The following LRP1 variants were observed in gnomAD, a reference collection of about 807,000 sequenced individuals.
LRP1 encodes prolow-density lipoprotein receptor-related protein 1.
A neutral mutation model predicts 541.5 loss-of-function variants in LRP1; 51 were observed. That is an observed-to-expected ratio of 0.09 (90% CI 0.08 to 0.12). The LOEUF (loss-of-function observed/expected upper bound fraction) is 0.12, where lower values mean the gene tolerates loss of function less well. Among genes scored for constraint, LRP1 ranks in the 10% least tolerant of loss-of-function variants. The pLI is 1.00. For synonymous variants in LRP1, 2,219 were observed against 2,470.8 expected (o/e 0.90, Z 3.02); for missense variants, 3,878 against 6,376.2 (o/e 0.61, Z 13.34).
intron 41 of LRP1, 24 bp from the exon 42 acceptor site, chr12:57,187,243 A>G: frequency 1.3e-6 from 2 of 1,599,776 alleles, no homozygotes; most frequent in South Asian, 1.1e-5. Flanking sequence ...CTCCTGACAA[A>G]TCGCTGCTCC....
chr12:57,141,929 T>C (rs2035300736), intron 3 of LRP1, among the ~76,000 whole-genome samples: 1 of 152,220 alleles, frequency 6.6e-6, no homozygotes, highest in African/African-American at 2.4e-5. Context: ...CCATCTAGTT[T>C]AGTCCACCTG....
intron 48 of LRP1, 114 bp from the exon 49 acceptor site, chr12:57,194,240 A>G: frequency 8.1e-7 from 1 of 1,233,776 alleles, no homozygotes; most frequent in Non-Finnish European, 1.1e-6. Context: ...GCCCCACCAG[A>G]AGGGCACCGT....
chr12:57,166,831 T>G lies in LRP1; in HGVS notation c.2798-99T>G. The stretch of plus-strand genomic sequence containing the variant: ...TCTAAGAGAAATGGTTTTGGATCCT[T>G]GGAAATAAGGGACACCAAAGGCAGA... On this transcript the variant is annotated intron_variant, in intron 17 of 88. Transcript: ENST00000243077. 1.1e-5 allele frequency: 8 copies of G among 725,198 alleles called. No homozygotes were observed. In the South Asian group the frequency reaches 1.3e-4, roughly 12 times the overall value. 44.9% of individuals were successfully genotyped at this position (725,198 alleles called of 1,614,324 possible).
At chr12:57,160,864 A>G (rs1287930195) in intron 12 of LRP1, 29 bp from the exon 13 acceptor site, 1 of 1,581,448 alleles carries the variant, frequency 6.3e-7, no homozygotes, top group Non-Finnish European at 8.7e-7. Context: ...GGGGGTGCCC[A>G]GGTGATGCTG....
At chr12:57,172,586 T>C (rs945393026) in intron 20 of LRP1, among the ~76,000 whole-genome samples, 1 of 152,212 alleles carries the variant, frequency 6.6e-6, no homozygotes, top group Admixed American at 6.5e-5. Context: ...TCGCTCTTCA[T>C]GCAGGCCTCT....
chr12:57,162,571 T>C lies in LRP1; in HGVS notation c.2404+53T>C. The C allele has an allele frequency of 5.0e-6, 8 of 1,597,494 alleles. No homozygotes were observed. The South Asian group carries it at 8.8e-5, about 18-fold the overall frequency. ...GGGACCTGGAAGGGGTGGTGGGACT[T>C]AGGCATTGATTTGAGACTTCCCTGG... On this transcript the variant is annotated intron_variant, in intron 14 of 88. Transcript: ENST00000243077. The surrounding 1 kb of genome is among the most constrained non-coding windows in gnomAD (Gnocchi z 5.2).
rs200877384 is a variant in LRP1 at position 57,187,300 on chromosome 12, G to A, written c.6875G>A (p.Arg2292His). The change falls in exon 42 of 89, where the codon CGT becomes CAT. Residue 2292 changes from arginine (R) to histidine (H), a missense_variant. Arg to His is a conservative substitution (Grantham distance 29). This residue lies in a region of LRP1 where 1,100 missense variants were observed against 1,827.4 expected (regional missense o/e 0.60). Transcript: ENST00000243077. ...TCCGTGGAAGGCCTGGCCTATCACCGTGGCTGGGACACTCTCTATTGGACA... is the reference window on the plus strand; with the variant it reads ...TCCGTGGAAGGCCTGGCCTATCACCATGGCTGGGACACTCTCTATTGGACA... Reference protein sequence around the residue: ...VGSVEGLAYHRGWDTLYWTSY... With the variant: ...VGSVEGLAYHHGWDTLYWTSY... 31 of 1,614,034 alleles carry A rather than the reference G, an allele frequency of 1.9e-5. No individual in the cohort carries two copies. Among genetic ancestry groups the A allele is most frequent in the Admixed American group, 5.0e-5 (3 of 60,006 alleles).
chr12:57,205,342 C>G lies in LRP1; in HGVS notation c.11336-9C>G, dbSNP rs1565754378. 1 of 1,598,240 alleles carries G rather than the reference C, an allele frequency of 6.3e-7. No individual in the cohort carries two copies. Among genetic ancestry groups the G allele is most frequent in the East Asian group, 2.2e-5 (1 of 44,678 alleles). Reference sequence around the variant, plus strand: ...TCAAGGGAGGGCATCCACTCTCTGTCCCCCACAGACCCCAAGCTGACCAGC... The same window carrying G: ...TCAAGGGAGGGCATCCACTCTCTGTGCCCCACAGACCCCAAGCTGACCAGC... On this transcript the variant is annotated splice_polypyrimidine_tract_variant and intron_variant, in intron 73 of 88. Coordinates refer to ENST00000243077, the MANE Select transcript of LRP1 (RefSeq NM_002332.3). The surrounding 1 kb of genome is among the most constrained non-coding windows in gnomAD (Gnocchi z 4.6).
At chr12:57,207,700 A>G (rs928951755) in intron 76 of LRP1, among the ~76,000 whole-genome samples, 1 of 152,242 alleles carries the variant, frequency 6.6e-6, no homozygotes, top group Admixed American at 6.5e-5. Context: ...GGCACAGGGC[A>G]TGATGGGCAG....
chr12:57,180,598 C>A (rs1367564791), intron 32 of LRP1, 69 bp from the exon 33 acceptor site: 1 of 1,608,972 alleles, frequency 6.2e-7, no homozygotes, highest in Middle Eastern at 1.7e-4. Context: ...TGACTTAGGG[C>A]CAATGGGCCC....
At position 57,145,446 on chromosome 12, in the gene LRP1, G is replaced by A; in HGVS notation, c.797G>A (p.Gly266Asp). 6.2e-7 allele frequency: 1 copy of A among 1,614,094 alleles called. No homozygotes were observed. The highest frequency in any genetic ancestry group is 8.5e-7 in the Non-Finnish European group (1 of 1,180,032). Residue 266 changes from glycine (G) to aspartate (D), a missense_variant, in exon 6 of 89, where the codon GGC (glycine) becomes GAC (aspartate). Physicochemically the swap from Gly to Asp is moderately conservative, Grantham distance 94. Transcript: ENST00000243077. Reference protein sequence around the residue: ...LKCARMPGLKGFVDEHTINIS... With the variant: ...LKCARMPGLKDFVDEHTINIS... ...TGTGCCCGCATGCCTGGCCTAAAGG[G>A]CTTCGTGGATGAGCACACCATCAAC...
chr12:57,191,230 G>T, intron 43 of LRP1, 90 bp from the exon 44 acceptor site: 1 of 1,324,174 alleles, frequency 7.6e-7, no homozygotes, highest in Non-Finnish European at 1.0e-6. Flanking sequence ...TCATTCTGTA[G>T]CTGTCAGAGG....
At chr12:57,157,645 G>C (rs2035647070) in intron 10 of LRP1, among the ~76,000 whole-genome samples, 1 of 152,194 alleles carries the variant, frequency 6.6e-6, no homozygotes, top group Admixed American at 6.5e-5. Context: ...ATAAAGCAGA[G>C]AATAGAGTTA....
Position 57,206,724 on chromosome 12 carries a change from G to A in LRP1, c.11842G>A (p.Gly3948Ser). ...SNRHRRQIDR[G>S]VTHLNISGLK... ...CCGCCACCGGCGACAGATTGACCGG[G>A]GTGTCACCCACCTCAACGTGAGTGC... The change falls in exon 76 of 89, where the codon GGT (glycine) becomes AGT (serine). Residue 3948 changes from glycine to serine, a missense_variant. Transcript: ENST00000243077. This position sits in a 1 kb window ranked among gnomAD's most constrained non-coding sequence, Gnocchi z 4.7. 6.2e-7 allele frequency: 1 copy of A among 1,612,454 alleles called. No homozygotes were observed. The highest frequency in any genetic ancestry group is 8.5e-7 in the Non-Finnish European group (1 of 1,179,982).
In LRP1 at chr12:57,185,388, C is replaced by A; in HGVS notation, c.6464-143C>A. On this transcript the variant is annotated intron_variant, in intron 40 of 88. Coordinates refer to ENST00000243077, the MANE Select transcript of LRP1 (RefSeq NM_002332.3). The surrounding 1 kb of genome is among the most constrained non-coding windows in gnomAD (Gnocchi z 4.9). Reference sequence around the variant, plus strand: ...TGAGGTGCTCTGGGACAGATCTTGGCATTGGACTCTGGGCCCTGGAGGGTC... The same window carrying A: ...TGAGGTGCTCTGGGACAGATCTTGGAATTGGACTCTGGGCCCTGGAGGGTC... 1 of 1,317,384 alleles carries A rather than the reference C, an allele frequency of 7.6e-7. No homozygotes were observed. The highest frequency in any genetic ancestry group is 1.0e-6 in the Non-Finnish European group (1 of 976,586). 81.6% of individuals were successfully genotyped at this position (1,317,384 alleles called of 1,614,324 possible).
At chr12:57,151,497 G>T (rs2035524708) in intron 6 of LRP1, among the ~76,000 whole-genome samples, 1 of 152,204 alleles carries the variant, frequency 6.6e-6, no homozygotes, top group African/African-American at 2.4e-5. Context: ...AGGATTTTCG[G>T]CCTTTGGCCA....
Position 57,202,542 on chromosome 12 carries a change from G to GGGGGGGCCCCCCCCCCCCCCC in LRP1, c.10711+5_10711+6insGGGGGGCCCCCCCCCCCCCCC. On this transcript the variant is annotated splice_donor_region_variant and intron_variant, in intron 68 of 88. Coordinates refer to ENST00000243077, the MANE Select transcript of LRP1 (RefSeq NM_002332.3). ...ACTCCGATGAAGAGAGCTGCAGTAC[G>GGGGGGGCCCCCCCCCCCCCCC]TCCCCACCCACCCAGCCCCGCATGA... The GGGGGGGCCCCCCCCCCCCCCC allele has an allele frequency of 6.4e-7, 1 of 1,563,848 alleles. No individual in the cohort carries two copies. The highest frequency in any genetic ancestry group is 8.7e-7 in the Non-Finnish European group (1 of 1,153,430).
rs2136643193 is a variant in LRP1, at chr12:57,128,804, T to A, written c.-161T>A. The A allele has an allele frequency of 5.0e-6, 3 of 600,002 alleles. No individual in the cohort carries two copies. Among genetic ancestry groups the A allele is most frequent in the Non-Finnish European group, 5.8e-6 (2 of 345,934 alleles). 37.2% of individuals were successfully genotyped at this position (600,002 alleles called of 1,614,324 possible). On this transcript the variant is annotated 5_prime_UTR_variant, in exon 1 of 89. Transcript: ENST00000243077. ...TCCCCAAGGGGCTCGGAACTCTACC[T>A]CTTCACCCACGCCCCTGGTGCGCTT...
At chr12:57,170,414 C>T (rs1468823007) in intron 20 of LRP1, among the ~76,000 whole-genome samples, 3 of 152,038 alleles carry the variant, frequency 2.0e-5, no homozygotes, top group South Asian at 2.1e-4. Flanking sequence ...CATGGTGGCT[C>T]ATGCCTATAA....
Sources: gnomAD v4.1 joint callset for allele counts (sites outside exome capture counted in the v4.1 genomes callset) on GRCh38, gnomAD v4.1.1 for gene constraint, gnomAD v4.1.1 regional missense constraint, Gnocchi (gnomAD v3.1) non-coding constraint, MANE v1.5 for transcripts, NCBI Gene and HGNC (gene_info 2026-07-23, HGNC 2026-07-21) for gene names.